ANKRD35: variants seen among roughly 807,000 people sequenced by gnomAD.
ANKRD35 encodes the protein ankyrin repeat domain-containing protein 35.
Under a neutral mutation model 109.9 loss-of-function variants are expected in ANKRD35, and 102 were observed. The observed-to-expected ratio is 0.93, with a 90% CI of 0.79 to 1.09. The LOEUF is 1.09. Among genes scored for constraint, ANKRD35 ranks in the 50% least tolerant of loss-of-function variants. The probability of loss-of-function intolerance (pLI) is 0.00; values close to 1 mark genes in which losing one functional copy is unlikely to be tolerated. For synonymous variants in ANKRD35, 515 were observed against 512.4 expected (o/e 1.01, Z -0.07); for missense variants, 1,240 against 1,230.1 (o/e 1.01, Z -0.12).
Position 145,879,354 on chromosome 1 carries a change from AGCAGCTTCTGATCATG to A in ANKRD35, c.58_73del (p.His20TrpfsTer42). 6.2e-7 allele frequency: 1 copy of A among 1,601,618 alleles called. No homozygotes were observed. Among genetic ancestry groups the A allele is most frequent in the Non-Finnish European group, 8.5e-7 (1 of 1,174,414 alleles). ...CACATCCCCCCTGTGCACTGCCTCC[AGCAGCTTCTGATCATG>A]GCGGTTCCATCTCTCCACCTGGTCC... On this transcript the variant is annotated frameshift_variant, in exon 2 of 14. Transcript: ENST00000355594. LOFTEE classifies it high-confidence loss of function.
chr1:145,883,760 A>G (rs1304557348), intron 1 of ANKRD35, among the ~76,000 whole-genome samples: 1 of 152,202 alleles, frequency 6.6e-6, no homozygotes, highest in African/African-American at 2.4e-5. Context: ...GCCACCCAAA[A>G]CAGTGGAGGA....
chr1:145,878,494 G>T lies in ANKRD35; in HGVS notation c.171-15C>A. 1 of 1,558,480 alleles carries T rather than the reference G, an allele frequency of 6.4e-7. No individual in the cohort carries two copies. The highest frequency in any genetic ancestry group is 8.7e-7 in the Non-Finnish European group (1 of 1,149,932). ...CCAGATGAAACCTGCCAGAATCAAG[G>T]CCGAGAGGCCAAAGGATAAAGGGAC... On this transcript the variant is annotated splice_polypyrimidine_tract_variant and intron_variant, in intron 2 of 13. Transcript: ENST00000355594.
In ANKRD35 at chr1:145,876,658, G is replaced by T. The variant is rs200620259; in HGVS notation, c.383-19C>A. 8.1e-6 allele frequency: 13 copies of T among 1,613,988 alleles called. No homozygotes were observed. In the Admixed American group the frequency reaches 1.2e-4, roughly 14 times the overall value. On this transcript the variant is annotated intron_variant, in intron 5 of 13. Coordinates refer to ENST00000355594, the MANE Select transcript of ANKRD35 (RefSeq NM_144698.5). ...GAGGAGGCTGGGGAGAAGATGTTTG[G>T]GTTAAGGGGAAGCATGAAGAAAGCC...
At position 145,873,708 on chromosome 1, in the gene ANKRD35, G is replaced by C; in HGVS notation, c.1061C>G (p.Ala354Gly). 1 of 1,614,052 alleles carries C rather than the reference G, an allele frequency of 6.2e-7. No individual in the cohort carries two copies. Among genetic ancestry groups the C allele is most frequent in the Non-Finnish European group, 8.5e-7 (1 of 1,179,960 alleles). The change falls in exon 10 of 14, where the codon GCT becomes GGT. Residue 354 changes from alanine (A) to glycine (G), a missense_variant. Transcript: ENST00000355594. ...LGVLLSWEPR[A>G]SGKQGSSLRP... ...GAGACTAGAGCCTTGCTTTCCTGAA[G>C]CTCTGGGCTCCCAGGATAGGAGGAC...
chr1:145,872,935 G>A lies in ANKRD35; in HGVS notation c.1834C>T (p.Gln612Ter). ...AGTACTGACATCTCCTTCTCCAGCTGTCCCTTTGCCAGGCCTCCTAGGGCC... is the reference window on the plus strand; with the variant it reads ...AGTACTGACATCTCCTTCTCCAGCTATCCCTTTGCCAGGCCTCCTAGGGCC... The part of the protein sequence containing the change: ...EKALGGLAKG[Q>*]LEKEMSVLRL... The change falls in exon 10 of 14, where the codon CAG becomes TAG. Residue 612 changes from glutamine (Q) to a stop codon, truncating the protein, a stop_gained. Transcript: ENST00000355594. LOFTEE classifies it high-confidence loss of function. The A allele has an allele frequency of 1.1e-5, 18 of 1,611,626 alleles. No homozygotes were observed. Among genetic ancestry groups the A allele is most frequent in the Non-Finnish European group, 1.4e-5 (17 of 1,178,348 alleles).
rs782200117 is a variant in ANKRD35 at position 145,873,222 on chromosome 1, G to T, written c.1547C>A (p.Pro516Gln). The T allele has an allele frequency of 6.2e-7, 1 of 1,613,860 alleles. No individual in the cohort carries two copies. Among genetic ancestry groups the T allele is most frequent in the African/African-American group, 1.3e-5 (1 of 74,782 alleles). Reference sequence around the variant, plus strand: ...AGTCCCCAGGGCTCCCTCCATGACCGGTCTTGACAAAGCCCCCCGGGCAGC... The same window carrying T: ...AGTCCCCAGGGCTCCCTCCATGACCTGTCTTGACAAAGCCCCCCGGGCAGC... ...KDAARGALSR[P>Q]VMEGALGTPR... The change falls in exon 10 of 14, where the codon CCG (proline) becomes CAG (glutamine). Residue 516 changes from proline to glutamine, a missense_variant. By Grantham distance (76) the Pro-to-Gln change is moderately conservative (BLOSUM62 -1). Transcript: ENST00000355594.
At chr1:145,877,570 T>C (rs587691203) in intron 4 of ANKRD35, among the ~76,000 whole-genome samples, 3 of 152,338 alleles carry the variant, frequency 2.0e-5, no homozygotes, top group Admixed American at 1.3e-4. Flanking sequence ...CATTTATAAA[T>C]GATCCACATG....
rs1485602509 is a variant in ANKRD35, at chr1:145,869,767, C to T, written c.2788-1367G>A. ...TACAGGCATGAGCCACTGTGCTCCG[C>T]CTGAGGGAAGTATTATAATCTACGT... is the stretch of plus-strand genomic sequence containing the variant. On this transcript the variant is annotated intron_variant, in intron 10 of 13. Transcript: ENST00000355594. Among the ~76,000 whole-genome samples, 3 of 152,312 alleles carry T rather than the reference C, an allele frequency of 2.0e-5. No homozygotes were observed. The East Asian group carries it at 5.8e-4, about 29-fold the overall frequency.
intron 10 of ANKRD35, among the ~76,000 whole-genome samples, chr1:145,871,363 A>C (rs1653814385): frequency 6.6e-6 from 1 of 151,734 alleles, no homozygotes; most frequent in Non-Finnish European, 1.5e-5. Context: ...GGGTTTCACC[A>C]TGTTGGTCAG....
Position 145,883,098 on chromosome 1 carries a change from T to G in ANKRD35, c.39+2622A>C, listed in dbSNP as rs1001646474. 1.2e-4 allele frequency among the ~76,000 whole-genome samples: 18 copies of G among 148,266 alleles called. No individual in the cohort carries two copies. The East Asian group carries it at 3.1e-3, about 26-fold the overall frequency. On this transcript the variant is annotated intron_variant, in intron 1 of 13. Transcript: ENST00000355594. ...CCAATTTTTTTTTTTTTTTTTTTTT[T>G]TTTGAGACGGAGTCTTGCTCTTGTT... is the stretch of plus-strand genomic sequence containing the variant.
chr1:145,874,037 C>T, intron 9 of ANKRD35, 52 bp from the exon 10 acceptor site: 2 of 1,611,372 alleles, frequency 1.2e-6, no homozygotes, highest in Non-Finnish European at 1.7e-6. Context: ...CGAACTGAGC[C>T]CTAGGAGTGC....
At chr1:145,883,712 C>A (rs1654380268) in intron 1 of ANKRD35, among the ~76,000 whole-genome samples, 1 of 152,134 alleles carries the variant, frequency 6.6e-6, no homozygotes, top group African/African-American at 2.4e-5. Context: ...ATAAAGACTG[C>A]CACACTACTT....
intron 4 of ANKRD35, 83 bp from the exon 5 acceptor site, chr1:145,876,956 A>C: frequency 6.9e-7 from 1 of 1,442,622 alleles, no homozygotes. Flanking sequence ...ACCAATTTCC[A>C]TGGTAATATG....
chr1:145,871,889 T>A, intron 10 of ANKRD35, 93 bp downstream of exon 10: 10 of 1,497,124 alleles, frequency 6.7e-6, no homozygotes, highest in Non-Finnish European at 9.0e-6. Context: ...TCTGACCCAC[T>A]GCTGCAATAA....
At chr1:145,869,686 C>T (rs587723507) in intron 10 of ANKRD35, among the ~76,000 whole-genome samples, 1 of 152,246 alleles carries the variant, frequency 6.6e-6, no homozygotes, top group African/African-American at 2.4e-5. Flanking sequence ...CCAGGCTGGT[C>T]TCAAACTCGT....
At chr1:145,875,118 A>G in intron 7 of ANKRD35, 112 bp from the exon 8 acceptor site, 1 of 1,065,264 alleles carries the variant, frequency 9.4e-7, no homozygotes, top group Non-Finnish European at 1.3e-6. Flanking sequence ...CAGGAGAACA[A>G]CAGACCAACA....
At chr1:145,882,940 T>C (rs1553741358) in intron 1 of ANKRD35, among the ~76,000 whole-genome samples, 1 of 152,088 alleles carries the variant, frequency 6.6e-6, no homozygotes, top group Non-Finnish European at 1.5e-5. Context: ...TGTGTACCTA[T>C]AAGCATCCTA....
intron 1 of ANKRD35, among the ~76,000 whole-genome samples, chr1:145,880,235 G>C (rs186009671): frequency 6.6e-6 from 1 of 152,228 alleles, no homozygotes; most frequent in Non-Finnish European, 1.5e-5. Flanking sequence ...GTGTTATAGG[G>C]CATAAAAGAG....
intron 9 of ANKRD35, 26 bp from the exon 10 acceptor site, chr1:145,874,011 T>G (rs782185953): frequency 3.7e-6 from 6 of 1,612,452 alleles, no homozygotes; most frequent in Non-Finnish European, 5.1e-6. Flanking sequence ...AATAGTAAAG[T>G]GTGGCCACTA....
Sources: gnomAD v4.1 joint callset for allele counts (sites outside exome capture counted in the v4.1 genomes callset) on GRCh38, gnomAD v4.1.1 for gene constraint, MANE v1.5 for transcripts, NCBI Gene and HGNC (gene_info 2026-07-23, HGNC 2026-07-21) for gene names.